The following DLGAP1 variants were observed in gnomAD, a reference collection of about 807,000 sequenced individuals.
The protein encoded by DLGAP1 is disks large-associated protein 1.
A neutral mutation model predicts 90.8 loss-of-function variants in DLGAP1; 11 were observed. The observed-to-expected ratio is 0.12, with a 90% CI of 0.08 to 0.20. The LOEUF (loss-of-function observed/expected upper bound fraction) is 0.20, where lower values mean the gene tolerates loss of function less well. Among genes scored for constraint, DLGAP1 ranks in the 10% least tolerant of loss-of-function variants. DLGAP1 has a pLI of 1.00. For synonymous variants in DLGAP1, 558 were observed against 540.7 expected, an observed-to-expected ratio of 1.03 and a Z score of -0.44; for missense variants, 1,050 against 1,333.8, an observed-to-expected ratio of 0.79 and a Z score of 3.31.
intron 1 of DLGAP1, among the ~76,000 whole-genome samples, chr18:4,329,632 G>T (rs1363803216): frequency 6.6e-6 from 1 of 151,772 alleles, no homozygotes; most frequent in East Asian, 1.9e-4. Context: ...CTGTGAAAAG[G>T]GAATATCTCT....
intron 2 of DLGAP1, among the ~76,000 whole-genome samples, chr18:4,090,277 C>T (rs1158221754): frequency 6.6e-6 from 1 of 152,024 alleles, no homozygotes; most frequent in Admixed American, 6.5e-5. Context: ...AGCTTTGGCA[C>T]AACAAAAGAA....
intron 1 of DLGAP1, among the ~76,000 whole-genome samples, chr18:4,385,758 T>G (rs2144364777): frequency 6.6e-6 from 1 of 152,224 alleles, no homozygotes; most frequent in East Asian, 1.9e-4. Context: ...GAAAGTAAAT[T>G]TATTTTTTTA....
intron 3 of DLGAP1, chr18:3,962,254 G>A (rs960391736): frequency 2.0e-5 from 3 of 152,166 alleles, no homozygotes; most frequent in South Asian, 2.1e-4. Context: ...CAGAAAGGAC[G>A]TCATCGGGTA....
rs778075205 is a variant in DLGAP1 at position 3,879,070 on chromosome 18, C to T, written c.957+42G>A. The T allele has an allele frequency of 1.4e-6, 2 of 1,429,264 alleles. No individual in the cohort carries two copies. Among genetic ancestry groups the T allele is most frequent in the Non-Finnish European group, 1.8e-6 (2 of 1,081,658 alleles). 88.5% of individuals were successfully genotyped at this position (1,429,264 alleles called of 1,614,324 possible). A position where few individuals can be genotyped will look rare whatever the true frequency, so the allele number is the denominator to read the frequency against. ...AGGAGAAATGCCCACACAAGCATGC[C>T]AGGTACTACTTCTAAGCCTCCATCA... On this transcript the variant is annotated intron_variant, in intron 4 of 12. Transcript: ENST00000315677. This position sits in a 1 kb window ranked among gnomAD's most constrained non-coding sequence, Gnocchi z 6.6.
chr18:4,393,732 C>T (rs562294835), intron 1 of DLGAP1, among the ~76,000 whole-genome samples: 16 of 152,290 alleles, frequency 1.1e-4, no homozygotes, highest in African/African-American at 3.8e-4. Flanking sequence ...CCTTTCGGCA[C>T]CAGGGACTGG....
chr18:4,354,283 C>G (rs146365568), intron 1 of DLGAP1, among the ~76,000 whole-genome samples: 1 of 152,214 alleles, frequency 6.6e-6, no homozygotes, highest in Non-Finnish European at 1.5e-5. Flanking sequence ...AAACCTAGAA[C>G]GATTACTCTA....
intron 1 of DLGAP1, among the ~76,000 whole-genome samples, chr18:4,163,015 G>A (rs2144521557): frequency 6.6e-6 from 1 of 152,218 alleles, no homozygotes; most frequent in East Asian, 1.9e-4. Flanking sequence ...CTCGCCCACT[G>A]CTAAGAGTGT....
chr18:3,811,179 A>G (rs542496324), intron 5 of DLGAP1, among the ~76,000 whole-genome samples: 1 of 152,284 alleles, frequency 6.6e-6, no homozygotes, highest in East Asian at 1.9e-4. Context: ...GTAGACTGTA[A>G]TGACAAAGGG....
chr18:3,535,395 C>T (rs867020362), intron 9 of DLGAP1, among the ~76,000 whole-genome samples: 4 of 152,076 alleles, frequency 2.6e-5, no homozygotes, highest in East Asian at 1.9e-4. Context: ...CTATCTTAGT[C>T]GGGGTAATTT....
chr18:3,773,364 T>C (rs898123593), intron 5 of DLGAP1, among the ~76,000 whole-genome samples: 1 of 152,192 alleles, frequency 6.6e-6, no homozygotes, highest in African/African-American at 2.4e-5. Flanking sequence ...TAACACAGTG[T>C]TTTGTATATA....
chr18:4,100,961 C>A (rs1275564196), intron 2 of DLGAP1, among the ~76,000 whole-genome samples: 2 of 152,160 alleles, frequency 1.3e-5, no homozygotes, highest in Non-Finnish European at 2.9e-5. Context: ...CTGGTTTGAT[C>A]TTCTACCCAG....
At position 3,674,296 on chromosome 18, in the gene DLGAP1, A is replaced by ATATATATATATATATATATATAT. The variant is rs1555623972; in HGVS notation, c.1591+54838_1591+54839insATATATATATATATATATATATA. The stretch of plus-strand genomic sequence containing the variant: ...TGAGATCTTGTCTCTATAATATTAA[A>ATATATATATATATATATATATAT]ATATATATATATATATGTATATTTT... On this transcript the variant is annotated intron_variant, in intron 7 of 12. Coordinates refer to ENST00000315677, the MANE Select transcript of DLGAP1 (RefSeq NM_004746.4). Among the ~76,000 whole-genome samples the ATATATATATATATATATATATAT allele has an allele frequency of 1.6e-3, 208 of 128,912 alleles. 1 individual carries two copies. Among genetic ancestry groups the ATATATATATATATATATATATAT allele is most frequent in the Middle Eastern group, 4.0e-3 (1 of 250 alleles). The allele number at this position is 128,912 out of a possible 152,430, so 84.6% of individuals were successfully genotyped here. A position where few individuals can be genotyped will look rare whatever the true frequency, so the allele number is the denominator to read the frequency against.
At chr18:3,630,684 C>T (rs1295868890) in intron 7 of DLGAP1, among the ~76,000 whole-genome samples, 5 of 152,142 alleles carry the variant, frequency 3.3e-5, no homozygotes, top group South Asian at 2.1e-4. Context: ...CATATGAGCA[C>T]GGGACTATTT....
intron 1 of DLGAP1, among the ~76,000 whole-genome samples, chr18:4,405,425 A>AG (rs1196737515): frequency 6.6e-6 from 1 of 152,154 alleles, no homozygotes; most frequent in Non-Finnish European, 1.5e-5. Context: ...AAAGGAAGGG[A>AG]GAAAAAAAAA....
chr18:4,221,480 G>T (rs892732561), intron 1 of DLGAP1, among the ~76,000 whole-genome samples: 1 of 152,040 alleles, frequency 6.6e-6, no homozygotes, highest in South Asian at 2.1e-4. Flanking sequence ...ATATATGAAA[G>T]TTATGTGTGC....
At chr18:3,977,675 C>T in intron 3 of DLGAP1, 1 of 313,766 alleles carries the variant, frequency 3.2e-6, no homozygotes, top group Non-Finnish European at 6.1e-6. Context: ...ACCATAAGGT[C>T]TACTACCCTG....
chr18:4,116,770 C>A (rs2076070250), intron 2 of DLGAP1, among the ~76,000 whole-genome samples: 2 of 152,084 alleles, frequency 1.3e-5, no homozygotes, highest in South Asian at 2.1e-4. Flanking sequence ...TTCTTTAATT[C>A]TTTAGACATG....
intron 6 of DLGAP1, among the ~76,000 whole-genome samples, chr18:3,735,704 G>T (rs1400299865): frequency 1.4e-5 from 2 of 144,060 alleles, no homozygotes; most frequent in Non-Finnish European, 3.0e-5. Context: ...AAATTAATTA[G>T]ATAATAAGCA....
intron 5 of DLGAP1, among the ~76,000 whole-genome samples, chr18:3,811,998 C>G (rs1449320113): frequency 6.6e-6 from 1 of 152,120 alleles, no homozygotes; most frequent in African/African-American, 2.4e-5. Context: ...ATCTTATCAC[C>G]CAAGACCCAA....
Sources: allele counts gnomAD v4.1 joint callset (sites outside exome capture counted in the v4.1 genomes callset), GRCh38; gene constraint gnomAD v4.1.1; non-coding constraint Gnocchi (gnomAD v3.1); transcripts MANE v1.5; gene names NCBI Gene and HGNC (gene_info 2026-07-23, HGNC 2026-07-21).